The following GPD2 variants were observed in gnomAD, a reference collection of about 807,000 sequenced individuals.
GPD2 encodes glycerol-3-phosphate dehydrogenase 2, also known as glycerol-3-phosphate dehydrogenase, mitochondrial.
GPD2 carries 54 observed loss-of-function variants against 82.4 expected under a neutral mutation model. The observed-to-expected ratio is 0.66, with a 90% CI of 0.53 to 0.82. GPD2 has a LOEUF of 0.82. Ranked by LOEUF, GPD2 falls within the 40% of genes least tolerant of loss-of-function variation. The probability of loss-of-function intolerance (pLI) is 0.00; values close to 1 mark genes in which losing one functional copy is unlikely to be tolerated. For missense variants in GPD2, 748 were observed against 896.2 expected (o/e 0.83, Z 2.11); for synonymous variants, 288 against 306.1 (o/e 0.94, Z 0.62).
At position 156,569,383 on chromosome 2, in the gene GPD2, C is replaced by A. The variant is rs763678533; in HGVS notation, c.1321C>A (p.Arg441=). Reference sequence around the variant, plus strand: ...TATAGGTGGAAAGTGGACAACTTATCGGTCTATGGCAGAAGATACCATAAA... The same window carrying A: ...TATAGGTGGAAAGTGGACAACTTATAGGTCTATGGCAGAAGATACCATAAA... ...TIAGGKWTTY[R]SMAEDTINAA... is the part of the protein sequence containing the mutation. Residue 441 remains arginine (R), a synonymous_variant, in exon 11 of 17, where the codon CGG becomes AGG. Transcript: ENST00000438166. 1 of 1,609,406 alleles carries A rather than the reference C, an allele frequency of 6.2e-7. No individual in the cohort carries two copies. The highest frequency in any genetic ancestry group is 1.7e-5 in the Admixed American group (1 of 59,910).
chr2:156,582,876 A>T lies in GPD2; in HGVS notation c.2142A>T (p.Arg714Ser), dbSNP rs1477651420. The stretch of plus-strand genomic sequence containing the variant: ...AAACTGCAGAAGAGAACCTCGACAG[A>T]AGAGTTCCAATTCCAGTGGACCGTA... ...LMKTAEENLDRRVPIPVDRSC... is the reference protein window; with the variant it reads ...LMKTAEENLDSRVPIPVDRSC... The change falls in exon 17 of 17, where the codon AGA becomes AGT. Residue 714 changes from arginine to serine, a missense_variant. This residue lies in a region of GPD2 where 46 missense variants were observed against 49.1 expected (regional missense o/e 0.94). Transcript: ENST00000438166. The T allele has an allele frequency of 1.2e-6, 2 of 1,613,272 alleles. No homozygotes were observed. Among genetic ancestry groups the T allele is most frequent in the Non-Finnish European group, 1.7e-6 (2 of 1,179,350 alleles).
At chr2:156,511,858 G>A (rs1190026355) in intron 4 of GPD2, among the ~76,000 whole-genome samples, 1 of 152,166 alleles carries the variant, frequency 6.6e-6, no homozygotes, top group Non-Finnish European at 1.5e-5. Context: ...CTTTTAGCAT[G>A]AATTTGAACA....
intron 3 of GPD2, among the ~76,000 whole-genome samples, chr2:156,498,114 A>G (rs1051094498): frequency 1.3e-5 from 2 of 152,200 alleles, no homozygotes; most frequent in Non-Finnish European, 2.9e-5. Flanking sequence ...ATTTCTTGGT[A>G]TCTGCAGGCA....
At chr2:156,410,087 T>C in the GPD2 span, among the ~76,000 whole-genome samples, 1 of 152,180 alleles carries the variant, frequency 6.6e-6, no homozygotes, top group Non-Finnish European at 1.5e-5. Flanking sequence ...ATAAAAGTAA[T>C]TGACAGCCAC....
At chr2:156,405,431 C>T in the GPD2 span, among the ~76,000 whole-genome samples, 16 of 152,244 alleles carry the variant, frequency 1.1e-4, no homozygotes, top group Admixed American at 7.8e-4. Context: ...GAGAATATCA[C>T]ACAGAGAAAA....
chr2:156,508,177 GTGGACAGTGCTTTCTAATAACTCGCA>G (rs1409646622), intron 3 of GPD2, among the ~76,000 whole-genome samples: 1 of 152,038 alleles, frequency 6.6e-6, no homozygotes, highest in Non-Finnish European at 1.5e-5. Context: ...ATCCCTCATA[GTGGACAGTGCTTTCTAATAACTCGCA>G]TGGTTGTTGG....
chr2:156,567,984 A>G (rs1687451990), intron 9 of GPD2, among the ~76,000 whole-genome samples: 1 of 152,148 alleles, frequency 6.6e-6, no homozygotes, highest in Non-Finnish European at 1.5e-5. Context: ...ACCTACTGGG[A>G]GAAGCCAGTA....
At chr2:156,430,436 C>T (rs899230246), upstream of GPD2, among the ~76,000 whole-genome samples, 5 of 152,120 alleles carry the variant, frequency 3.3e-5, no homozygotes, top group African/African-American at 1.2e-4. Context: ...ATAAAGTAAA[C>T]ACCATATGAA....
intron 6 of GPD2, among the ~76,000 whole-genome samples, chr2:156,526,889 T>C (rs745488418): frequency 1.1e-4 from 16 of 152,138 alleles, no homozygotes; most frequent in Non-Finnish European, 1.6e-4. Context: ...GGATTGTTCT[T>C]CAGGAACTAA....
At chr2:156,447,766 T>C (rs1682418676) in intron 1 of GPD2, among the ~76,000 whole-genome samples, 1 of 152,250 alleles carries the variant, frequency 6.6e-6, no homozygotes, top group African/African-American at 2.4e-5. Flanking sequence ...ACATCTTCTC[T>C]TGGATTACTC....
the GPD2 span, among the ~76,000 whole-genome samples, chr2:156,419,049 C>CTTTTTTTTTTTTT: frequency 1.3e-5 from 1 of 77,200 alleles, no homozygotes; most frequent in Non-Finnish European, 2.7e-5. Context: ...TTCTTTCCTT[C>CTTTTTTTTTTTTT]TTTTTTTTTT....
At chr2:156,568,545 G>A (rs1687473916) in intron 9 of GPD2, among the ~76,000 whole-genome samples, 1 of 152,010 alleles carries the variant, frequency 6.6e-6, no homozygotes, top group African/African-American at 2.4e-5. Context: ...CAGCTGGAAG[G>A]TTGCTAACAT....
At chr2:156,419,936 C>T in the GPD2 span, among the ~76,000 whole-genome samples, 4 of 152,176 alleles carry the variant, frequency 2.6e-5, no homozygotes, top group Non-Finnish European at 5.9e-5. Flanking sequence ...AAACTTAGCT[C>T]TCTAAGTATA....
chr2:156,509,765 C>CTTCTTT lies in GPD2; in HGVS notation c.275-1029_275-1028insCTTTTT, dbSNP rs778681179. ...CTTTCCTTATCAAGAATATGTTCTT[C>CTTCTTT]TTTTTTTTTTTTTTTTTTTATTTCC... On this transcript the variant is annotated intron_variant, in intron 3 of 16. Coordinates refer to ENST00000438166, the MANE Select transcript of GPD2 (RefSeq NM_000408.5). 5.1e-5 allele frequency among the ~76,000 whole-genome samples: 6 copies of CTTCTTT among 117,374 alleles called. No homozygotes were observed. The East Asian group carries it at 1.0e-3, about 20-fold the overall frequency. 77.0% of individuals were successfully genotyped at this position (117,374 alleles called of 152,430 possible). A position where few individuals can be genotyped will look rare whatever the true frequency, so the allele number is the denominator to read the frequency against.
chr2:156,417,884 A>G, the GPD2 span, among the ~76,000 whole-genome samples: 1 of 152,048 alleles, frequency 6.6e-6, no homozygotes, highest in Non-Finnish European at 1.5e-5. Context: ...ATCTCTAAAA[A>G]TAAAAATAAA....
intron 6 of GPD2, among the ~76,000 whole-genome samples, chr2:156,525,197 T>C (rs1380646560): frequency 6.6e-6 from 1 of 152,234 alleles, no homozygotes; most frequent in African/African-American, 2.4e-5. Context: ...GAATTTGAAG[T>C]ATTTGATAGA....
chr2:156,567,640 C>T (rs188634384), intron 9 of GPD2, among the ~76,000 whole-genome samples: 13 of 152,198 alleles, frequency 8.5e-5, no homozygotes, highest in Non-Finnish European at 1.6e-4. Flanking sequence ...TCCCAGTAGT[C>T]TATATCATCA....
intron 3 of GPD2, among the ~76,000 whole-genome samples, chr2:156,508,561 G>C (rs555294044): frequency 1.3e-5 from 2 of 152,170 alleles, no homozygotes; most frequent in Non-Finnish European, 2.9e-5. Flanking sequence ...TGTGGGCTGT[G>C]GGGGAGGCTG....
At chr2:156,448,581 G>A (rs1194193481) in intron 1 of GPD2, among the ~76,000 whole-genome samples, 1 of 152,224 alleles carries the variant, frequency 6.6e-6, no homozygotes, top group African/African-American at 2.4e-5. Flanking sequence ...TGAATAATTT[G>A]GGAAGGCCTC....
Sources: gnomAD v4.1 joint callset for allele counts (sites outside exome capture counted in the v4.1 genomes callset) on GRCh38, gnomAD v4.1.1 for gene constraint, gnomAD v4.1.1 regional missense constraint, MANE v1.5 for transcripts, NCBI Gene and HGNC (gene_info 2026-07-23, HGNC 2026-07-21) for gene names.